Variants in LARGE1 observed in about 807,000 individuals in gnomAD.
The protein encoded by LARGE1 is xylosyl- and glucuronyltransferase LARGE1.
A neutral mutation model predicts 87.6 loss-of-function variants in LARGE1; 43 were observed. The ratio of observed to expected loss-of-function variants is 0.49; its 90% CI spans 0.38 to 0.63. The LOEUF is 0.63. Ranked by LOEUF, LARGE1 falls within the 30% of genes least tolerant of loss-of-function variation. The probability of loss-of-function intolerance (pLI) is 0.00; values close to 1 mark genes in which losing one functional copy is unlikely to be tolerated. For missense variants in LARGE1, 802 were observed against 1,000.2 expected, an observed-to-expected ratio of 0.80 and a Z score of 2.67; for synonymous variants, 434 against 394.6, an observed-to-expected ratio of 1.10 and a Z score of -1.18.
intron 2 of LARGE1, among the ~76,000 whole-genome samples, chr22:33,674,744 C>T (rs1277127147): frequency 6.6e-6 from 1 of 152,162 alleles, no homozygotes. Flanking sequence ...GGAAAGTCTC[C>T]CCTGAAATCC....
chr22:33,800,650 C>G (rs2086132105), intron 1 of LARGE1, among the ~76,000 whole-genome samples: 2 of 152,182 alleles, frequency 1.3e-5, no homozygotes, highest in Admixed American at 1.3e-4. Flanking sequence ...CATATAGTCT[C>G]TAACCTTTTG....
intron 11 of LARGE1, among the ~76,000 whole-genome samples, chr22:33,219,288 A>G (rs1925350552): frequency 6.6e-6 from 1 of 152,208 alleles, no homozygotes. Context: ...TGCACTTTTC[A>G]CCACGAAGCC....
chr22:33,605,358 T>G (rs1036951185), intron 4 of LARGE1, among the ~76,000 whole-genome samples: 3 of 152,116 alleles, frequency 2.0e-5, no homozygotes, highest in Admixed American at 6.5e-5. Flanking sequence ...GCACCCGAAA[T>G]ACCAAGGAGC....
chr22:33,918,334 A>G (rs545240279), intron 1 of LARGE1, among the ~76,000 whole-genome samples: 2 of 149,834 alleles, frequency 1.3e-5, no homozygotes, highest in African/African-American at 2.5e-5. Context: ...CCCGTTAAAA[A>G]CCTCTCTCTC....
chr22:33,114,306 G>A, the LARGE1 span, among the ~76,000 whole-genome samples: 1 of 152,180 alleles, frequency 6.6e-6, no homozygotes, highest in Non-Finnish European at 1.5e-5. Flanking sequence ...GGTAGCAGTA[G>A]TATTTCTATC....
At chr22:33,306,035 G>A (rs368873518) in intron 11 of LARGE1, among the ~76,000 whole-genome samples, 57 of 152,034 alleles carry the variant, frequency 3.7e-4, no homozygotes, top group Admixed American at 8.5e-4. Context: ...TAGTACAGAC[G>A]GGGTTTCACC....
chr22:33,447,848 T>C (rs2067748004), intron 6 of LARGE1, among the ~76,000 whole-genome samples: 1 of 151,960 alleles, frequency 6.6e-6, no homozygotes, highest in Non-Finnish European at 1.5e-5. Flanking sequence ...TCATGCACAC[T>C]CTGGAGCTGG....
chr22:33,841,682 T>C (rs897567007), intron 1 of LARGE1, among the ~76,000 whole-genome samples: 2 of 152,244 alleles, frequency 1.3e-5, no homozygotes, highest in African/African-American at 4.8e-5. Flanking sequence ...CTGAGTCCTA[T>C]GTCTCCCCCT....
intron 1 of LARGE1, among the ~76,000 whole-genome samples, chr22:33,880,316 G>A (rs140634304): frequency 2.0e-5 from 3 of 152,202 alleles, no homozygotes; most frequent in East Asian, 3.9e-4. Context: ...TCAACCATCC[G>A]CAGCTTCTAT....
intron 6 of LARGE1, among the ~76,000 whole-genome samples, chr22:33,432,497 G>A (rs974308964): frequency 2.6e-5 from 4 of 152,136 alleles, no homozygotes; most frequent in Admixed American, 2.6e-4. Flanking sequence ...AAGAAATAGA[G>A]GCCCAGAACA....
downstream of LARGE1, among the ~76,000 whole-genome samples, chr22:33,160,535 A>G (rs193247074): frequency 1.1e-4 from 17 of 152,354 alleles, no homozygotes; most frequent in Admixed American, 1.0e-3. Flanking sequence ...GATTAGAGAC[A>G]TGAAGCAGAC....
intron 1 of LARGE1, among the ~76,000 whole-genome samples, chr22:33,887,477 C>A (rs1217643956): frequency 6.6e-6 from 1 of 152,168 alleles, no homozygotes. Flanking sequence ...TGGCTCACAG[C>A]TGTAATCCTA....
chr22:33,739,378 T>C (rs937509478), intron 2 of LARGE1, among the ~76,000 whole-genome samples: 9 of 152,164 alleles, frequency 5.9e-5, no homozygotes, highest in Non-Finnish European at 5.9e-5. Flanking sequence ...TGCAGAATCA[T>C]AGCATGAAAA....
chr22:33,549,831 T>C (rs866595600), intron 6 of LARGE1, among the ~76,000 whole-genome samples: 1 of 152,174 alleles, frequency 6.6e-6, no homozygotes, highest in Non-Finnish European at 1.5e-5. Context: ...AGTGAGAACA[T>C]GCAGTATTTG....
intron 6 of LARGE1, among the ~76,000 whole-genome samples, chr22:33,523,377 G>A (rs2071713311): frequency 6.6e-6 from 1 of 151,994 alleles, no homozygotes; most frequent in Non-Finnish European, 1.5e-5. Context: ...TTCTCTTTCT[G>A]TGGTTAAAAA....
At chr22:33,072,097 C>A in the LARGE1 span, among the ~76,000 whole-genome samples, 2 of 152,188 alleles carry the variant, frequency 1.3e-5, no homozygotes, top group Non-Finnish European at 2.9e-5. Flanking sequence ...CCCTGCCCTC[C>A]CCATGCAGAA....
intron 12 of LARGE1, among the ~76,000 whole-genome samples, chr22:33,302,330 C>A (rs77662799): frequency 6.6e-6 from 1 of 152,132 alleles, no homozygotes; most frequent in Non-Finnish European, 1.5e-5. Flanking sequence ...GTGCTGGGTA[C>A]CACAGCACCT....
At chr22:33,864,959 C>G (rs1223580168) in intron 1 of LARGE1, among the ~76,000 whole-genome samples, 5 of 152,228 alleles carry the variant, frequency 3.3e-5, no homozygotes, top group Non-Finnish European at 7.3e-5. Context: ...TGCTCCTGAC[C>G]TGGATCCCTG....
intron 6 of LARGE1, among the ~76,000 whole-genome samples, chr22:33,542,079 T>C (rs552240804): frequency 2.0e-5 from 3 of 150,120 alleles, no homozygotes; most frequent in Non-Finnish European, 3.0e-5. Context: ...GGAGAAACCC[T>C]TGAACCAAGG....
Sources: allele counts gnomAD v4.1 joint callset (sites outside exome capture counted in the v4.1 genomes callset), GRCh38; gene constraint gnomAD v4.1.1; transcripts MANE v1.5; gene names NCBI Gene and HGNC (gene_info 2026-07-23, HGNC 2026-07-21).